The following AOPEP variants were observed in gnomAD, a reference collection of about 807,000 sequenced individuals.
AOPEP encodes the protein aminopeptidase O (putative).
A neutral mutation model predicts 98.1 loss-of-function variants in AOPEP; 77 were observed. The observed-to-expected ratio is 0.78, with a 90% CI of 0.65 to 0.95. The LOEUF (loss-of-function observed/expected upper bound fraction) is 0.95, where lower values mean the gene tolerates loss of function less well. AOPEP is among the 40% of genes least tolerant of loss of function. The probability of loss-of-function intolerance (pLI) is 0.00; values close to 1 mark genes in which losing one functional copy is unlikely to be tolerated. For synonymous variants in AOPEP, 346 were observed against 365.3 expected, an observed-to-expected ratio of 0.95 and a Z score of 0.60; for missense variants, 1,024 against 1,024.7, an observed-to-expected ratio of 1.00 and a Z score of 0.01.
Position 95,043,289 on chromosome 9 carries a change from C to T in AOPEP, c.2116-17405C>T, listed in dbSNP as rs13284816. Among the ~76,000 whole-genome samples the T allele has an allele frequency of 8.6e-3, 359 of 41,934 alleles. 7 individuals are homozygous for T. Among genetic ancestry groups the T allele is most frequent in the Non-Finnish European group, 4.3e-3 (55 of 12,746 alleles). 27.5% of individuals were successfully genotyped at this position (41,934 alleles called of 152,430 possible). ...ATATATCTGTATATATGTACAGATA[C>T]ATCTGTATATGCACATATACAGATA... On this transcript the variant is annotated intron_variant, in intron 13 of 16. Coordinates refer to ENST00000375315, the MANE Select transcript of AOPEP (RefSeq NM_001193329.3).
intron 16 of AOPEP, among the ~76,000 whole-genome samples, chr9:95,083,467 AGCACACGCG>A (rs1391445841): frequency 7.7e-5 from 11 of 142,414 alleles, no homozygotes; most frequent in East Asian, 2.2e-4. Flanking sequence ...CACCACACAG[AGCACACGCG>A]GCACACGCAG....
the AOPEP span, among the ~76,000 whole-genome samples, chr9:95,097,765 G>A: frequency 6.6e-6 from 1 of 152,186 alleles, no homozygotes; most frequent in African/African-American, 2.4e-5. Flanking sequence ...TCCATTACCA[G>A]TTTGGGCTTG....
intron 1 of AOPEP, among the ~76,000 whole-genome samples, chr9:94,758,239 C>T (rs987238747): frequency 6.6e-6 from 1 of 152,140 alleles, no homozygotes; most frequent in Admixed American, 6.5e-5. Flanking sequence ...GGCACTGAGG[C>T]CTAGAGTCAA....
the AOPEP span, among the ~76,000 whole-genome samples, chr9:95,103,093 T>C: frequency 2.0e-5 from 3 of 152,278 alleles, no homozygotes; most frequent in African/African-American, 7.2e-5. Context: ...AATGTGAGCC[T>C]GCTGTGGACC....
rs950092924 is a variant in AOPEP, at chr9:94,930,108, C to T, written c.1661+1577C>T. 6.6e-6 allele frequency among the ~76,000 whole-genome samples: 1 copy of T among 152,176 alleles called. No individual in the cohort carries two copies. Among genetic ancestry groups the T allele is most frequent in the Non-Finnish European group, 1.5e-5 (1 of 68,040 alleles). On this transcript the variant is annotated intron_variant, in intron 7 of 16. Coordinates refer to ENST00000375315, the MANE Select transcript of AOPEP (RefSeq NM_001193329.3). This position sits in a 1 kb window ranked among gnomAD's most constrained non-coding sequence, Gnocchi z 4.5. Reference sequence around the variant, plus strand: ...CTGCTCTGCTGCTGTGTGGAGAGCACCACAGGCAGCCGACGGAAAGCCAGG... The same window carrying T: ...CTGCTCTGCTGCTGTGTGGAGAGCATCACAGGCAGCCGACGGAAAGCCAGG...
chr9:95,101,938 C>A, the AOPEP span: 1 of 1,481,324 alleles, frequency 6.8e-7, no homozygotes, highest in South Asian at 1.2e-5. Flanking sequence ...ACCACCCAGT[C>A]CCTGAAAGAA....
At chr9:95,017,518 A>G (rs750006967) in intron 13 of AOPEP, among the ~76,000 whole-genome samples, 1 of 152,242 alleles carries the variant, frequency 6.6e-6, no homozygotes, top group Non-Finnish European at 1.5e-5. Context: ...GTTGACTGAA[A>G]TGTCGTTATG....
chr9:95,069,377 C>T lies in AOPEP; in HGVS notation c.2232+8567C>T, dbSNP rs1055903014. Among the ~76,000 whole-genome samples the T allele has an allele frequency of 2.0e-5, 3 of 151,932 alleles. No individual in the cohort carries two copies. The South Asian group carries it at 6.2e-4, about 31-fold the overall frequency. On this transcript the variant is annotated intron_variant, in intron 14 of 16. Transcript: ENST00000375315. ...CAGTAAAAGTCCCTTTCAGCAAAGG[C>T]TGTGAGTTACATGTCAATAAATTGA...
chr9:94,829,306 A>G (rs929498577), intron 5 of AOPEP, among the ~76,000 whole-genome samples: 7 of 152,186 alleles, frequency 4.6e-5, no homozygotes, highest in Non-Finnish European at 1.0e-4. Flanking sequence ...TGATTATCAA[A>G]TACCTATTTA....
In AOPEP at chr9:94,826,218, C is replaced by T. The variant is rs150103216; in HGVS notation, c.1364+25216C>T. ...GGACTGCTGGCAAAGCTGTTTCGTC[C>T]GCGGGCTTCAAGTTCATTGTGACAG... On this transcript the variant is annotated intron_variant, in intron 5 of 16. Coordinates refer to ENST00000375315, the MANE Select transcript of AOPEP (RefSeq NM_001193329.3). Among the ~76,000 whole-genome samples the T allele has an allele frequency of 2.6e-3, 390 of 152,300 alleles. 2 individuals carry two copies. Among genetic ancestry groups the T allele is most frequent in the African/African-American group, 9.0e-3 (375 of 41,564 alleles).
intron 13 of AOPEP, chr9:95,049,080 C>CA (rs1424863097): frequency 6.6e-6 from 1 of 152,152 alleles, no homozygotes; most frequent in East Asian, 1.9e-4. Context: ...ATTTCTCTGT[C>CA]AGAGTTAGCT....
intron 1 of AOPEP, among the ~76,000 whole-genome samples, chr9:94,755,658 T>C (rs1256174794): frequency 6.6e-6 from 1 of 152,126 alleles, no homozygotes; most frequent in Non-Finnish European, 1.5e-5. Flanking sequence ...CAAAGGAAGA[T>C]GTGGAAAAGA....
At chr9:94,780,044 G>C (rs1396777573) in intron 3 of AOPEP, among the ~76,000 whole-genome samples, 1 of 152,166 alleles carries the variant, frequency 6.6e-6, no homozygotes, top group Non-Finnish European at 1.5e-5. Flanking sequence ...ATGATTTTAG[G>C]GGTCAGAAAA....
At chr9:94,759,622 T>A in intron 1 of AOPEP, 27 bp from the exon 2 acceptor site, 1 of 615,650 alleles carries the variant, frequency 1.6e-6, no homozygotes, top group Admixed American at 3.1e-5. Context: ...TGGAATTTTA[T>A]CTAATTGTGC....
chr9:95,028,318 G>C (rs896056910), intron 13 of AOPEP, among the ~76,000 whole-genome samples: 2 of 152,252 alleles, frequency 1.3e-5, no homozygotes, highest in Non-Finnish European at 2.9e-5. Context: ...CCTCGTGGGA[G>C]TGATGTGGGT....
chr9:94,840,273 A>T (rs1489898719), intron 5 of AOPEP, among the ~76,000 whole-genome samples: 1 of 152,132 alleles, frequency 6.6e-6, no homozygotes, highest in African/African-American at 2.4e-5. Context: ...TTTCTTTTTT[A>T]GGCTGTCAAT....
At chr9:94,807,550 C>T (rs1849501701) in intron 5 of AOPEP, among the ~76,000 whole-genome samples, 1 of 152,204 alleles carries the variant, frequency 6.6e-6, no homozygotes, top group African/African-American at 2.4e-5. Context: ...GTCAGCACCA[C>T]CTTGCCATTT....
At chr9:95,091,207 T>G (rs1383667906), downstream of AOPEP, among the ~76,000 whole-genome samples, 1 of 152,056 alleles carries the variant, frequency 6.6e-6, no homozygotes, top group African/African-American at 2.4e-5. Flanking sequence ...ATGGGGCCAG[T>G]GGAGGACTTG....
At chr9:95,047,323 A>G (rs1334543402) in intron 13 of AOPEP, among the ~76,000 whole-genome samples, 4 of 152,136 alleles carry the variant, frequency 2.6e-5, no homozygotes, top group Non-Finnish European at 5.9e-5. Context: ...ATTTTTTTTA[A>G]CCTTTCACGT....
Sources: allele counts gnomAD v4.1 joint callset (sites outside exome capture counted in the v4.1 genomes callset), GRCh38; gene constraint gnomAD v4.1.1; non-coding constraint Gnocchi (gnomAD v3.1); transcripts MANE v1.5; gene names NCBI Gene and HGNC (gene_info 2026-07-23, HGNC 2026-07-21).